STPG2: variants seen among roughly 807,000 people sequenced by gnomAD.
The protein encoded by STPG2 is sperm-tail PG-rich repeat-containing protein 2.
Under a neutral mutation model 54.2 loss-of-function variants are expected in STPG2, and 56 were observed. The observed-to-expected ratio is 1.03, with a 90% CI of 0.83 to 1.29. The LOEUF is 1.29. Ranked by LOEUF, STPG2 falls within the 50% of genes most tolerant of loss-of-function variation. The probability of loss-of-function intolerance (pLI) is 0.00; values close to 1 mark genes in which losing one functional copy is unlikely to be tolerated. For missense variants in STPG2, 596 were observed against 544.9 expected (o/e 1.09, Z -0.93); for synonymous variants, 200 against 181.8 (o/e 1.10, Z -0.81).
intron 9 of STPG2, among the ~76,000 whole-genome samples, chr4:97,834,256 G>T (rs148589595): frequency 1.9e-3 from 294 of 152,160 alleles, no homozygotes; most frequent in African/African-American, 7.0e-3. Context: ...ACTAACACAC[G>T]AACTGAAAAC....
At chr4:97,609,406 C>G (rs1733679021) in intron 10 of STPG2, among the ~76,000 whole-genome samples, 1 of 151,982 alleles carries the variant, frequency 6.6e-6, no homozygotes, top group South Asian at 2.1e-4. Context: ...GATTGTAGTT[C>G]TCTGACCAAG....
At chr4:97,833,754 C>CA (rs1465973390) in intron 9 of STPG2, among the ~76,000 whole-genome samples, 1 of 151,456 alleles carries the variant, frequency 6.6e-6, no homozygotes, top group East Asian at 1.9e-4. Context: ...ATATGAAAAA[C>CA]AAAAAACCTC....
At chr4:98,111,448 T>G (rs1281424404) in intron 3 of STPG2, among the ~76,000 whole-genome samples, 2 of 152,110 alleles carry the variant, frequency 1.3e-5, no homozygotes, top group Non-Finnish European at 2.9e-5. Context: ...CTAGTGACTT[T>G]CTAGTTAGAG....
At chr4:97,965,042 C>G (rs539233443) in intron 7 of STPG2, among the ~76,000 whole-genome samples, 1 of 152,304 alleles carries the variant, frequency 6.6e-6, no homozygotes, top group Admixed American at 6.5e-5. Flanking sequence ...AGGGCATCAC[C>G]TCACCCAGGA....
At chr4:97,561,164 C>G (rs577036933) in intron 10 of STPG2, among the ~76,000 whole-genome samples, 138 of 152,096 alleles carry the variant, frequency 9.1e-4, no homozygotes, top group Admixed American at 3.5e-3. Context: ...GAGATGGTAT[C>G]TCATTGTGGT....
intron 1 of STPG2, among the ~76,000 whole-genome samples, chr4:98,136,978 CA>C (rs1221562206): frequency 1.3e-5 from 2 of 151,420 alleles, no homozygotes; most frequent in East Asian, 3.9e-4. Context: ...AAGCAAATAG[CA>C]AAAGAGCATA....
At chr4:97,802,176 T>C (rs1727420659) in intron 9 of STPG2, among the ~76,000 whole-genome samples, 1 of 152,184 alleles carries the variant, frequency 6.6e-6, no homozygotes, top group African/African-American at 2.4e-5. Context: ...GGCCCACATC[T>C]CTCCATAAGA....
intron 9 of STPG2, among the ~76,000 whole-genome samples, chr4:97,832,556 GGAA>G (rs1050544767): frequency 6.6e-6 from 1 of 152,166 alleles, no homozygotes; most frequent in Non-Finnish European, 1.5e-5. Context: ...TATTCAAATA[GGAA>G]AAGAGAAAGT....
chr4:97,634,338 C>A (rs935429949), intron 10 of STPG2, among the ~76,000 whole-genome samples: 6 of 152,236 alleles, frequency 3.9e-5, no homozygotes, highest in African/African-American at 1.4e-4. Context: ...AAAAACCCAT[C>A]TGTACATCAC....
intron 9 of STPG2, among the ~76,000 whole-genome samples, chr4:97,721,108 T>A (rs1341837807): frequency 6.6e-6 from 1 of 152,060 alleles, no homozygotes; most frequent in Non-Finnish European, 1.5e-5. Context: ...ATCTTTCAAC[T>A]GCAAGGAACA....
intron 9 of STPG2, among the ~76,000 whole-genome samples, chr4:97,834,462 C>T (rs1466033159): frequency 1.3e-5 from 2 of 152,068 alleles, no homozygotes; most frequent in African/African-American, 4.8e-5. Flanking sequence ...ACCTATGTAA[C>T]AAACCTGCAC....
intron 4 of STPG2, among the ~76,000 whole-genome samples, chr4:97,453,544 T>C (rs1422877857): frequency 6.6e-6 from 1 of 152,160 alleles, no homozygotes; most frequent in Non-Finnish European, 1.5e-5. Context: ...CCTGTGACAA[T>C]GGGATACTGA....
intron 3 of STPG2, among the ~76,000 whole-genome samples, chr4:98,121,970 T>C (rs896762821): frequency 1.3e-5 from 2 of 152,170 alleles, no homozygotes; most frequent in African/African-American, 2.4e-5. Flanking sequence ...TCCACCCGCA[T>C]CAGCCTCCCA....
chr4:97,707,047 G>A (rs1235355812), intron 10 of STPG2, among the ~76,000 whole-genome samples: 2 of 152,120 alleles, frequency 1.3e-5, no homozygotes, highest in Non-Finnish European at 2.9e-5. Flanking sequence ...CAACATCATT[G>A]AGCAGATGAA....
intron 5 of STPG2, among the ~76,000 whole-genome samples, chr4:98,097,985 T>C (rs957556765): frequency 1.3e-5 from 2 of 152,022 alleles, no homozygotes; most frequent in Non-Finnish European, 2.9e-5. Flanking sequence ...CACCAAAAGA[T>C]AGAAAGATAT....
At chr4:97,895,269 C>G (rs767223474) in intron 8 of STPG2, among the ~76,000 whole-genome samples, 1 of 151,636 alleles carries the variant, frequency 6.6e-6, no homozygotes, top group Non-Finnish European at 1.5e-5. Flanking sequence ...TAAAACATGA[C>G]AAAGGAAACA....
intron 4 of STPG2, among the ~76,000 whole-genome samples, chr4:97,496,268 G>A (rs1353805491): frequency 2.0e-5 from 3 of 151,532 alleles, no homozygotes; most frequent in Non-Finnish European, 4.4e-5. Flanking sequence ...GCTTTTTAGC[G>A]ATTATAAGTA....
intron 8 of STPG2, among the ~76,000 whole-genome samples, chr4:97,935,106 T>C (rs892829709): frequency 1.7e-4 from 26 of 152,218 alleles, no homozygotes; most frequent in Non-Finnish European, 2.2e-4. Flanking sequence ...GTCCAGGAAT[T>C]CATCCATTTC....
intron 9 of STPG2, among the ~76,000 whole-genome samples, chr4:97,802,510 G>T (rs1166474675): frequency 1.3e-5 from 2 of 152,030 alleles, no homozygotes; most frequent in African/African-American, 2.4e-5. Context: ...CACTCTGGTT[G>T]CCTGGGTTGG....
Sources: allele counts gnomAD v4.1 joint callset (sites outside exome capture counted in the v4.1 genomes callset), GRCh38; gene constraint gnomAD v4.1.1; transcripts MANE v1.5; gene names NCBI Gene and HGNC (gene_info 2026-07-23, HGNC 2026-07-21).